The following GLUD1 variants were observed in gnomAD, a reference collection of about 807,000 sequenced individuals.
GLUD1 encodes the protein glutamate dehydrogenase 1, also known as glutamate dehydrogenase 1, mitochondrial.
In GLUD1, 22 loss-of-function variants were observed where a neutral mutation model predicts 56.0. The observed-to-expected ratio is 0.39, with a 90% CI of 0.28 to 0.56. The LOEUF (loss-of-function observed/expected upper bound fraction) is 0.56, where lower values mean the gene tolerates loss of function less well. Among genes scored for constraint, GLUD1 ranks in the 20% least tolerant of loss-of-function variants. The pLI is 0.58. For missense variants in GLUD1, 451 were observed against 732.0 expected (o/e 0.62, Z 4.43); for synonymous variants, 223 against 269.9 (o/e 0.83, Z 1.70).
chr10:87,079,077 A>G (rs1359710900), intron 1 of GLUD1, among the ~76,000 whole-genome samples: 1 of 152,200 alleles, frequency 6.6e-6, no homozygotes, highest in East Asian at 1.9e-4. Flanking sequence ...CCAGTGGTGA[A>G]CAGGTTAATC....
At chr10:87,061,883 A>G (rs771781589) in intron 6 of GLUD1, among the ~76,000 whole-genome samples, 1 of 152,106 alleles carries the variant, frequency 6.6e-6, no homozygotes, top group Non-Finnish European at 1.5e-5. Context: ...TCCCGGGTTC[A>G]AGTGATTCTC....
intron 11 of GLUD1, among the ~76,000 whole-genome samples, chr10:87,055,261 G>C (rs1236813194): frequency 6.6e-6 from 1 of 152,052 alleles, no homozygotes; most frequent in Non-Finnish European, 1.5e-5. Context: ...AACAAGACTG[G>C]GGAGTGACTG....
chr10:87,082,065 C>T (rs373386400), intron 1 of GLUD1, among the ~76,000 whole-genome samples: 6 of 151,142 alleles, frequency 4.0e-5, no homozygotes, highest in Admixed American at 1.3e-4. Context: ...TTTTAATTTT[C>T]CTTGCTTTCT....
rs1388834664 is a variant in GLUD1 at position 87,051,649 on chromosome 10, G to A, written c.*102C>T. 8.0e-6 allele frequency: 10 copies of A among 1,256,206 alleles called. No individual in the cohort carries two copies. The East Asian group carries it at 2.1e-4, about 26-fold the overall frequency. The allele number at this position is 1,256,206 out of a possible 1,614,324, so 77.8% of individuals were successfully genotyped here. On this transcript the variant is annotated 3_prime_UTR_variant, in exon 13 of 13. Coordinates refer to ENST00000277865, the MANE Select transcript of GLUD1 (RefSeq NM_005271.5). ...GTTGAGAATGGTATCCATTATTAATGAGTCAGGAGAGAAAGGGATTTCTGT... is the reference window on the plus strand; with the variant it reads ...GTTGAGAATGGTATCCATTATTAATAAGTCAGGAGAGAAAGGGATTTCTGT...
intron 5 of GLUD1, among the ~76,000 whole-genome samples, chr10:87,066,416 GTAACCTGGCC>G (rs1338113697): frequency 1.3e-5 from 2 of 152,186 alleles, no homozygotes; most frequent in Admixed American, 6.5e-5. Flanking sequence ...CTACCAAGCA[GTAACCTGGCC>G]TGACCCTTTT....
rs1294793009 is a variant in GLUD1 at position 87,051,632 on chromosome 10, T to C, written c.*119A>G. The C allele has an allele frequency of 2.7e-6, 3 of 1,113,390 alleles. No individual in the cohort carries two copies. The highest frequency in any genetic ancestry group is 2.5e-5 in the South Asian group (2 of 80,532). The allele number at this position is 1,113,390 out of a possible 1,614,324, so 69.0% of individuals were successfully genotyped here. On this transcript the variant is annotated 3_prime_UTR_variant, in exon 13 of 13. Transcript: ENST00000277865. ...CTGACTTGGATTGACTTGTTGAGAA[T>C]GGTATCCATTATTAATGAGTCAGGA...
chr10:87,088,108 TAAAC>T (rs1184562907), intron 1 of GLUD1, among the ~76,000 whole-genome samples: 3 of 149,934 alleles, frequency 2.0e-5, no homozygotes, highest in African/African-American at 7.3e-5. Flanking sequence ...AAAAAACAAA[TAAAC>T]AAACAAGATT....
chr10:87,053,680 C>T (rs1258880355), intron 11 of GLUD1, among the ~76,000 whole-genome samples: 1 of 152,080 alleles, frequency 6.6e-6, no homozygotes, highest in African/African-American at 2.4e-5. Flanking sequence ...AGTTTTTGGA[C>T]CTAGAGACAT....
At chr10:87,068,228 G>T (rs1846131541) in intron 4 of GLUD1, 71 bp from the exon 5 acceptor site, 1 of 878,578 alleles carries the variant, frequency 1.1e-6, no homozygotes, top group Non-Finnish European at 1.9e-6. Flanking sequence ...AAAGATCCTT[G>T]TAAGTCTCTG....
Position 87,080,037 on chromosome 10 carries a change from G to A in GLUD1, c.446-3381C>T, listed in dbSNP as rs536030094. On this transcript the variant is annotated intron_variant, in intron 1 of 12. Transcript: ENST00000277865. ...CATCTTAGCTCACTGCAACCTCCCT[G>A]CCTGATTCTCCTGCCTCAGCCTGCC... Among the ~76,000 whole-genome samples the A allele has an allele frequency of 7.3e-5, 11 of 151,390 alleles. No homozygotes were observed. In the South Asian group the frequency reaches 2.3e-3, roughly 32 times the overall value.
chr10:87,058,875 A>G (rs971287060), intron 10 of GLUD1, among the ~76,000 whole-genome samples: 1 of 152,124 alleles, frequency 6.6e-6, no homozygotes, highest in Non-Finnish European at 1.5e-5. Flanking sequence ...TCGGCGACGG[A>G]GCGAGACTCC....
At chr10:87,074,812 ATAG>A (rs1206155479) in intron 3 of GLUD1, among the ~76,000 whole-genome samples, 198 bp from the exon 4 acceptor site, 1 of 152,200 alleles carries the variant, frequency 6.6e-6, no homozygotes, top group Non-Finnish European at 1.5e-5. Flanking sequence ...TAAAAACAAG[ATAG>A]TAGAACTAGG....
At chr10:87,067,802 A>C in intron 5 of GLUD1, 1 of 426,994 alleles carries the variant, frequency 2.3e-6, no homozygotes, top group South Asian at 2.2e-5. Flanking sequence ...ATGCTTCTTG[A>C]TGTACGTTCT....
intron 10 of GLUD1, among the ~76,000 whole-genome samples, chr10:87,058,092 C>T (rs1845835706): frequency 6.6e-6 from 1 of 152,096 alleles, no homozygotes; most frequent in South Asian, 2.1e-4. Context: ...ATGGTCTCGA[C>T]CTCCTGACCT....
intron 9 of GLUD1, among the ~76,000 whole-genome samples, chr10:87,059,749 T>C (rs1207018311): frequency 6.6e-6 from 1 of 152,244 alleles, no homozygotes; most frequent in African/African-American, 2.4e-5. Context: ...TAGTAACTTT[T>C]TGGTGTAGAC....
rs149299861 is a variant in GLUD1, at chr10:87,074,479, C to T, written c.646+72G>A. On this transcript the variant is annotated intron_variant, in intron 4 of 12. Coordinates refer to ENST00000277865, the MANE Select transcript of GLUD1 (RefSeq NM_005271.5). ...CTCTAGTCTGGGCAACAGAGTGAGACTCCGTCTCAAAAAAAAAAAAAAATT... is the reference window on the plus strand; with the variant it reads ...CTCTAGTCTGGGCAACAGAGTGAGATTCCGTCTCAAAAAAAAAAAAAAATT... 1,990 of 828,436 alleles carry T rather than the reference C, an allele frequency of 2.4e-3. 19 individuals carry two copies. In the African/African-American group the frequency reaches 0.029, roughly 12 times the overall value. 51.3% of individuals were successfully genotyped at this position (828,436 alleles called of 1,614,324 possible).
At chr10:87,073,342 T>TG (rs1056661575) in intron 4 of GLUD1, among the ~76,000 whole-genome samples, 29 of 152,102 alleles carry the variant, frequency 1.9e-4, no homozygotes, top group African/African-American at 7.0e-4. Flanking sequence ...TTTGTAGAGA[T>TG]GGGGTCTTGT....
At chr10:87,088,639 AAAG>A (rs1248566405) in intron 1 of GLUD1, among the ~76,000 whole-genome samples, 1 of 152,236 alleles carries the variant, frequency 6.6e-6, no homozygotes, top group Non-Finnish European at 1.5e-5. Context: ...ACAAACGATA[AAAG>A]AAGTCATACT....
chr10:87,081,719 T>C (rs1413108271), intron 1 of GLUD1, among the ~76,000 whole-genome samples: 1 of 152,106 alleles, frequency 6.6e-6, no homozygotes, highest in African/African-American at 2.4e-5. Context: ...CAGTGCAAGA[T>C]GTGCTTTGTT....
Sources: allele counts gnomAD v4.1 joint callset (sites outside exome capture counted in the v4.1 genomes callset), GRCh38; gene constraint gnomAD v4.1.1; transcripts MANE v1.5; gene names NCBI Gene and HGNC (gene_info 2026-07-23, HGNC 2026-07-21).